GSK3B: variants seen among roughly 807,000 people sequenced by gnomAD.
GSK3B encodes glycogen synthase kinase-3 beta.
In GSK3B, 15 loss-of-function variants were observed where a neutral mutation model predicts 56.4. The observed-to-expected ratio is 0.27, with a 90% confidence interval of 0.18 to 0.41. The LOEUF (loss-of-function observed/expected upper bound fraction) is 0.41, where lower values mean the gene tolerates loss of function less well. GSK3B is among the 10% of genes least tolerant of loss of function. The pLI is 1.00. For missense variants in GSK3B, 300 were observed against 513.4 expected, an observed-to-expected ratio of 0.58 and a Z score of 4.02; for synonymous variants, 181 against 188.9, an observed-to-expected ratio of 0.96 and a Z score of 0.34.
intron 10 of GSK3B, among the ~76,000 whole-genome samples, chr3:119,829,944 T>C (rs2055572704): frequency 6.6e-6 from 1 of 152,220 alleles, no homozygotes; most frequent in Admixed American, 6.5e-5. Flanking sequence ...CCTACAGACA[T>C]TCATCAAAAA....
chr3:119,834,107 G>A (rs2055650592), intron 10 of GSK3B, among the ~76,000 whole-genome samples: 1 of 152,006 alleles, frequency 6.6e-6, no homozygotes, highest in Non-Finnish European at 1.5e-5. Context: ...TTCTATAATA[G>A]TTAGAAATGT....
intron 1 of GSK3B, among the ~76,000 whole-genome samples, chr3:120,008,712 A>G (rs1234528985): frequency 6.6e-6 from 1 of 152,232 alleles, no homozygotes; most frequent in Non-Finnish European, 1.5e-5. Context: ...TCAACTCAAG[A>G]TGGATCAAAG....
intron 2 of GSK3B, among the ~76,000 whole-genome samples, chr3:119,973,312 A>G (rs1443900886): frequency 6.6e-6 from 1 of 152,242 alleles, no homozygotes; most frequent in African/African-American, 2.4e-5. Flanking sequence ...TGTTCTGAGT[A>G]GTGTGATGAA....
chr3:119,853,749 T>C (rs2055974415), intron 9 of GSK3B, among the ~76,000 whole-genome samples: 1 of 152,186 alleles, frequency 6.6e-6, no homozygotes, highest in African/African-American at 2.4e-5. Context: ...TAAGAATGCT[T>C]GTGATTTTTG....
At chr3:120,043,989 A>C (rs946525130) in intron 1 of GSK3B, among the ~76,000 whole-genome samples, 2 of 152,232 alleles carry the variant, frequency 1.3e-5, no homozygotes, top group Admixed American at 1.3e-4. Flanking sequence ...GAAATGCATC[A>C]AAAATTCTGT....
intron 1 of GSK3B, among the ~76,000 whole-genome samples, chr3:120,071,890 G>T (rs1042113527): frequency 2.0e-5 from 3 of 152,134 alleles, no homozygotes; most frequent in Admixed American, 6.5e-5. Context: ...TCTTTTAAGT[G>T]GGGTCTAAAA....
At chr3:119,874,547 T>C (rs1019293072) in intron 8 of GSK3B, among the ~76,000 whole-genome samples, 1 of 151,802 alleles carries the variant, frequency 6.6e-6, no homozygotes, top group Non-Finnish European at 1.5e-5. Context: ...ATAATAATAA[T>C]AATAATGGAG....
At chr3:120,006,697 A>G (rs1443106740) in intron 1 of GSK3B, among the ~76,000 whole-genome samples, 1 of 152,254 alleles carries the variant, frequency 6.6e-6, no homozygotes, top group East Asian at 1.9e-4. Context: ...ACAGAAAGAA[A>G]TAAGTTATTT....
At chr3:120,000,884 T>C (rs1231422418) in intron 2 of GSK3B, among the ~76,000 whole-genome samples, 1 of 149,484 alleles carries the variant, frequency 6.7e-6, no homozygotes, top group East Asian at 2.0e-4. Flanking sequence ...TGGATGTTTA[T>C]CCCTTTCCAA....
At chr3:120,067,097 T>C (rs1322910214) in intron 1 of GSK3B, among the ~76,000 whole-genome samples, 3 of 152,108 alleles carry the variant, frequency 2.0e-5, no homozygotes, top group African/African-American at 7.2e-5. Context: ...GGGCCACATG[T>C]GGCCCGGGAA....
intron 4 of GSK3B, among the ~76,000 whole-genome samples, chr3:119,917,605 A>G (rs2107459221): frequency 6.6e-6 from 1 of 151,854 alleles, no homozygotes; most frequent in Non-Finnish European, 1.5e-5. Flanking sequence ...AAGAGATTTT[A>G]CTGTGTCAGG....
intron 9 of GSK3B, among the ~76,000 whole-genome samples, chr3:119,855,080 T>A (rs2055998030): frequency 6.6e-6 from 1 of 152,136 alleles, no homozygotes; most frequent in Non-Finnish European, 1.5e-5. Context: ...TTCCTCTATA[T>A]GCTGCTTTAA....
chr3:120,083,326 A>G (rs914725139), intron 1 of GSK3B, among the ~76,000 whole-genome samples: 2 of 152,172 alleles, frequency 1.3e-5, no homozygotes, highest in African/African-American at 4.8e-5. Context: ...AGAGGATGAC[A>G]GCTGTACAAC....
At chr3:119,915,483 T>C (rs2107457081) in intron 5 of GSK3B, among the ~76,000 whole-genome samples, 1 of 152,272 alleles carries the variant, frequency 6.6e-6, no homozygotes, top group African/African-American at 2.4e-5. Context: ...GGCAATCAAA[T>C]ATTATGGATT....
intron 10 of GSK3B, among the ~76,000 whole-genome samples, chr3:119,839,887 G>A (rs531562527): frequency 6.6e-6 from 1 of 152,224 alleles, no homozygotes; most frequent in Non-Finnish European, 1.5e-5. Context: ...AGGGTATGTG[G>A]GGGTATATTA....
intron 3 of GSK3B, among the ~76,000 whole-genome samples, chr3:119,926,637 T>C (rs76777771): frequency 0.026 from 3,971 of 152,288 alleles, 176 homozygotes; most frequent in African/African-American, 0.089. Flanking sequence ...CATCTCATTA[T>C]TTCTGTCCTC....
intron 2 of GSK3B, among the ~76,000 whole-genome samples, chr3:119,950,124 T>C (rs2057142724): frequency 6.6e-6 from 1 of 151,888 alleles, no homozygotes; most frequent in Non-Finnish European, 1.5e-5. Flanking sequence ...GGAAGAAAAA[T>C]AAGAAAGAAT....
At chr3:119,976,971 TTC>T (rs1018840097) in intron 2 of GSK3B, among the ~76,000 whole-genome samples, 3 of 152,110 alleles carry the variant, frequency 2.0e-5, no homozygotes, top group Non-Finnish European at 2.9e-5. Context: ...TTATTTCTCC[TTC>T]TCTCAAACCA....
intron 1 of GSK3B, chr3:120,041,263 T>G (rs765164071): frequency 1.2e-5 from 3 of 258,514 alleles, no homozygotes; most frequent in Non-Finnish European, 2.4e-5. Context: ...CAGCTGGGCA[T>G]CCCTGCAGCT....
Sources: gnomAD v4.1 joint callset for allele counts (sites outside exome capture counted in the v4.1 genomes callset) on GRCh38, gnomAD v4.1.1 for gene constraint, MANE v1.5 for transcripts, NCBI Gene and HGNC (gene_info 2026-07-23, HGNC 2026-07-21) for gene names.